Variants in CR1 observed in about 807,000 individuals in gnomAD.
The protein encoded by CR1 is complement receptor type 1.
CR1 carries 116 observed loss-of-function variants against 187.3 expected under a neutral mutation model. That is an observed-to-expected ratio of 0.62 (90% CI 0.53 to 0.72). The LOEUF (loss-of-function observed/expected upper bound fraction) is 0.72, where lower values mean the gene tolerates loss of function less well. CR1 is among the 30% of genes least tolerant of loss of function. The probability of loss-of-function intolerance (pLI) is 0.00; values close to 1 mark genes in which losing one functional copy is unlikely to be tolerated. For missense variants in CR1, 1,731 were observed against 2,110.7 expected (o/e 0.82, Z 3.52); for synonymous variants, 576 against 747.1 (o/e 0.77, Z 3.73).
intron 32 of CR1, among the ~76,000 whole-genome samples, chr1:207,582,781 T>C (rs1460576843): frequency 6.6e-6 from 1 of 152,050 alleles, no homozygotes; most frequent in African/African-American, 2.4e-5. Context: ...TTAGCTTAGA[T>C]AGAGGGTGTG....
intron 29 of CR1, among the ~76,000 whole-genome samples, chr1:207,579,662 A>G (rs1375114914): frequency 6.6e-6 from 1 of 152,224 alleles, no homozygotes; most frequent in African/African-American, 2.4e-5. Context: ...ATTTACATGT[A>G]ACTGAAATGG....
intron 35 of CR1, among the ~76,000 whole-genome samples, chr1:207,590,214 G>C (rs1207243740): frequency 1.3e-5 from 2 of 152,182 alleles, no homozygotes; most frequent in Admixed American, 1.3e-4. Flanking sequence ...CAGAGAGAAA[G>C]GTCGGGTTAC....
chr1:207,580,346 C>T lies in CR1; in HGVS notation c.5043C>T (p.Asp1681=), dbSNP rs768090457. Residue 1681 remains aspartate, a synonymous_variant, in exon 30 of 47, where the codon GAC becomes GAT. Transcript: ENST00000367049. ...TCTACAGCTGTGAGCCTGGCTATGACCTCAGAGGGGCTGCGTCTCTGCACT... is the reference window on the plus strand; with the variant it reads ...TCTACAGCTGTGAGCCTGGCTATGATCTCAGAGGGGCTGCGTCTCTGCACT... ...EVFYSCEPGY[D]LRGAASLHCT... is the part of the protein sequence containing the mutation. The T allele has an allele frequency of 3.7e-6, 6 of 1,613,856 alleles. No homozygotes were observed. The highest frequency in any genetic ancestry group is 1.7e-5 in the Admixed American group (1 of 60,000).
rs767907694 is a variant in CR1, at chr1:207,565,823, T to C, written c.3867-15T>C. ...GCTGAAACAGCTCACTATTCACTCC[T>C]ATTTTCTTCTTTAGATTTCAATTAA... On this transcript the variant is annotated splice_polypyrimidine_tract_variant and intron_variant, in intron 23 of 46. Transcript: ENST00000367049. 3 of 1,610,624 alleles carry C rather than the reference T, an allele frequency of 1.9e-6. No homozygotes were observed.
At chr1:207,526,563 C>T (rs1256124603) in intron 5 of CR1, among the ~76,000 whole-genome samples, 190 bp from the exon 6 acceptor site, 92 of 151,422 alleles carry the variant, frequency 6.1e-4, no homozygotes, top group Non-Finnish European at 5.7e-4. Context: ...AGTTGTGCCA[C>T]GTGTCAGTTC....
chr1:207,595,447 G>A (rs1373400330), intron 35 of CR1, among the ~76,000 whole-genome samples: 2 of 151,938 alleles, frequency 1.3e-5, no homozygotes, highest in Non-Finnish European at 2.9e-5. Flanking sequence ...AGAAAATTAT[G>A]CCATCCAAAT....
intron 32 of CR1, among the ~76,000 whole-genome samples, chr1:207,582,588 G>A (rs1356887353): frequency 6.6e-6 from 1 of 152,188 alleles, no homozygotes; most frequent in Non-Finnish European, 1.5e-5. Context: ...ATGTAGCTGA[G>A]GACCCAAAAG....
chr1:207,599,345 C>T (rs995255977), intron 35 of CR1, among the ~76,000 whole-genome samples: 4 of 152,050 alleles, frequency 2.6e-5, no homozygotes, highest in Admixed American at 6.5e-5. Flanking sequence ...GTTTAAAAGA[C>T]GGAAGTAGAG....
At chr1:207,518,315 C>T (rs111583956) in intron 4 of CR1, among the ~76,000 whole-genome samples, 4 of 152,092 alleles carry the variant, frequency 2.6e-5, no homozygotes, top group East Asian at 1.9e-4. Flanking sequence ...AGAATATGGA[C>T]GATTTTGGTA....
rs777601904 is a variant in CR1 at position 207,582,023 on chromosome 1, G to A, written c.5302+20G>A. On this transcript the variant is annotated intron_variant, in intron 32 of 46. Transcript: ENST00000367049. Reference sequence around the variant, plus strand: ...GTGAACGTGAGTAGATGGAATACTTGTTCAGTCTGGATCTTTCTGTTTTTT... The same window carrying A: ...GTGAACGTGAGTAGATGGAATACTTATTCAGTCTGGATCTTTCTGTTTTTT... 8 of 1,551,264 alleles carry A rather than the reference G, an allele frequency of 5.2e-6. No individual in the cohort carries two copies. The highest frequency in any genetic ancestry group is 7.1e-6 in the Non-Finnish European group (8 of 1,125,230).
At chr1:207,617,368 G>A (rs55724061) in intron 41 of CR1, among the ~76,000 whole-genome samples, 2,417 of 150,198 alleles carry the variant, frequency 0.016, 28 homozygotes, top group Middle Eastern at 0.037. Flanking sequence ...GGAGGCCCTG[G>A]AGAAGCAGAG....
chr1:207,624,712 C>T (rs11118196), intron 45 of CR1, among the ~76,000 whole-genome samples: 30,027 of 151,946 alleles, frequency 0.2, 3,224 homozygotes, highest in South Asian at 0.43. Context: ...TTTTCCATTA[C>T]AAAAAGAAAA....
intron 39 of CR1, among the ~76,000 whole-genome samples, chr1:207,613,861 T>C (rs1571596964): frequency 6.6e-6 from 1 of 152,248 alleles, no homozygotes; most frequent in East Asian, 1.9e-4. Flanking sequence ...CTTCTTTTTT[T>C]CTTAGAGCAC....
chr1:207,578,265 G>A (rs1323592749), intron 29 of CR1, 62 bp downstream of exon 29: 2 of 1,611,610 alleles, frequency 1.2e-6, no homozygotes, highest in Admixed American at 1.7e-5. Flanking sequence ...TGGATCAGGA[G>A]ATGAGTATTT....
At chr1:207,503,630 T>C (rs1659341401) in intron 1 of CR1, among the ~76,000 whole-genome samples, 1 of 152,196 alleles carries the variant, frequency 6.6e-6, no homozygotes, top group Non-Finnish European at 1.5e-5. Context: ...ATAAGGACCC[T>C]TGTGATCACA....
chr1:207,608,370 T>C (rs1661811937), intron 36 of CR1, among the ~76,000 whole-genome samples: 1 of 152,198 alleles, frequency 6.6e-6, no homozygotes, highest in Non-Finnish European at 1.5e-5. Context: ...TCCATACATA[T>C]GCATGTATCC....
At chr1:207,506,157 T>G in intron 2 of CR1, 74 bp downstream of exon 2, 1 of 1,543,598 alleles carries the variant, frequency 6.5e-7, no homozygotes, top group Non-Finnish European at 8.8e-7. Flanking sequence ...GTTCAAATTT[T>G]GTAACTGAGT....
chr1:207,618,706 C>T (rs1208358556), intron 42 of CR1, among the ~76,000 whole-genome samples: 1 of 152,046 alleles, frequency 6.6e-6, no homozygotes, highest in Non-Finnish European at 1.5e-5. Context: ...GAAGGATGTA[C>T]TGATGGCTGG....
chr1:207,575,458 T>C, intron 27 of CR1, 137 bp from the exon 28 acceptor site: 1 of 1,067,090 alleles, frequency 9.4e-7, no homozygotes, highest in Non-Finnish European at 1.4e-6. Context: ...ATAGAAGAGC[T>C]GGAAACAATA....
Sources: allele counts gnomAD v4.1 joint callset (sites outside exome capture counted in the v4.1 genomes callset), GRCh38; gene constraint gnomAD v4.1.1; transcripts MANE v1.5; gene names NCBI Gene and HGNC (gene_info 2026-07-23, HGNC 2026-07-21).